Variants in ZBTB16 observed in about 807,000 individuals in gnomAD.
ZBTB16 encodes zinc finger and BTB domain containing 16, also known as zinc finger and BTB domain-containing protein 16.
A neutral mutation model predicts 56.8 loss-of-function variants in ZBTB16; 8 were observed. The ratio of observed to expected loss-of-function variants is 0.14; its 90% CI spans 0.08 to 0.25. The LOEUF (loss-of-function observed/expected upper bound fraction) is 0.25, where lower values mean the gene tolerates loss of function less well. ZBTB16 is among the 10% of genes least tolerant of loss of function. ZBTB16 has a pLI of 1.00. For synonymous variants in ZBTB16, 363 were observed against 368.5 expected (o/e 0.98, Z 0.17); for missense variants, 625 against 903.0 (o/e 0.69, Z 3.95).
intron 2 of ZBTB16, among the ~76,000 whole-genome samples, chr11:114,138,405 T>C (rs1205423813): frequency 6.6e-6 from 1 of 152,198 alleles, no homozygotes; most frequent in East Asian, 1.9e-4. Context: ...GGAGCCTACA[T>C]TCCAAACTTT....
chr11:114,210,098 G>C (rs935145456), intron 4 of ZBTB16: 4 of 299,194 alleles, frequency 1.3e-5, no homozygotes, highest in African/African-American at 9.1e-5. Flanking sequence ...GGTGTACTCT[G>C]CACTCTGTGA....
rs1165127863 is a variant in ZBTB16 at position 114,064,012 on chromosome 11, G to A, written c.712G>A (p.Val238Met). ...TLAGGGRHPG[V>M]AEVKTEMMQV... ...GGCTGGGGGTGGGCGGCACCCTGGG[G>A]TGGCTGAGGTGAAGACGGAGATGAT... The change falls in exon 2 of 7, where the codon GTG (valine) becomes ATG (methionine). Residue 238 changes from valine to methionine, a missense_variant. This residue lies in a region of ZBTB16 where 384 missense variants were observed against 393.5 expected (regional missense o/e 0.98). Transcript: ENST00000335953. The surrounding 1 kb of genome is among the most constrained non-coding windows in gnomAD (Gnocchi z 4.2). The A allele has an allele frequency of 3.7e-6, 6 of 1,613,384 alleles. No homozygotes were observed. Among genetic ancestry groups the A allele is most frequent in the Non-Finnish European group, 5.1e-6 (6 of 1,179,726 alleles).
At position 114,060,915 on chromosome 11, in the gene ZBTB16, A is replaced by G. The variant is rs1284409111; in HGVS notation, c.-91+1033A>G. Among the ~76,000 whole-genome samples the G allele has an allele frequency of 1.3e-5, 2 of 150,884 alleles. No individual in the cohort carries two copies. Among genetic ancestry groups the G allele is most frequent in the South Asian group, 2.1e-4 (1 of 4,734 alleles). On this transcript the variant is annotated intron_variant, in intron 1 of 6. Coordinates refer to ENST00000335953, the MANE Select transcript of ZBTB16 (RefSeq NM_006006.6). The surrounding 1 kb of genome is among the most constrained non-coding windows in gnomAD (Gnocchi z 6.0). ...ACCCCTTCTCGCCTTTCCTCCCACA[A>G]CTCGCTGCGGGGCTTTTGTGCTTCC...
chr11:114,171,572 G>A (rs1022613464), intron 3 of ZBTB16, among the ~76,000 whole-genome samples: 15 of 152,124 alleles, frequency 9.9e-5, no homozygotes, highest in African/African-American at 2.9e-4. Context: ...TATAGCCCCC[G>A]GCCCCCCAAG....
At chr11:114,233,895 G>C (rs1209752680) in intron 4 of ZBTB16, among the ~76,000 whole-genome samples, 3 of 152,204 alleles carry the variant, frequency 2.0e-5, no homozygotes, top group Non-Finnish European at 2.9e-5. Flanking sequence ...CCGGGAGCCA[G>C]CTCTGCTAGC....
chr11:114,161,184 G>C (rs1224041860), intron 3 of ZBTB16, among the ~76,000 whole-genome samples: 1 of 152,182 alleles, frequency 6.6e-6, no homozygotes, highest in Non-Finnish European at 1.5e-5. Flanking sequence ...GCCAGTGTAA[G>C]GTTTCCCATT....
At chr11:114,146,792 T>C (rs1942117818) in intron 2 of ZBTB16, among the ~76,000 whole-genome samples, 1 of 146,000 alleles carries the variant, frequency 6.8e-6, no homozygotes, top group Non-Finnish European at 1.5e-5. Flanking sequence ...GAGGTTGCAG[T>C]GAGTCGAGAT....
chr11:114,146,961 CT>C (rs1401177678), intron 2 of ZBTB16, among the ~76,000 whole-genome samples: 4 of 151,666 alleles, frequency 2.6e-5, no homozygotes, highest in African/African-American at 4.8e-5. Context: ...TTGGCTTTTG[CT>C]TTTTTTCTTC....
chr11:114,249,536 C>T (rs1266890847), intron 6 of ZBTB16, among the ~76,000 whole-genome samples: 11 of 138,756 alleles, frequency 7.9e-5, no homozygotes, highest in African/African-American at 3.0e-4. Context: ...GAGGCCGAGG[C>T]GGGTGGATCT....
rs1266972512 is a variant in ZBTB16, at chr11:114,124,075, G to A, written c.1269-32262G>A. Among the ~76,000 whole-genome samples, 6 of 111,000 alleles carry A rather than the reference G, an allele frequency of 5.4e-5. 1 individual carries two copies. Among genetic ancestry groups the A allele is most frequent in the South Asian group, 3.4e-4 (1 of 2,962 alleles). 72.8% of individuals were successfully genotyped at this position (111,000 alleles called of 152,430 possible). ...TGCTTTTAAGGTCACTCTGCTTTGCGGAGATGGTCGGGGGTAATGGGGAGT... is the reference window on the plus strand; with the variant it reads ...TGCTTTTAAGGTCACTCTGCTTTGCAGAGATGGTCGGGGGTAATGGGGAGT... On this transcript the variant is annotated intron_variant, in intron 2 of 6. Transcript: ENST00000335953.
chr11:114,135,912 T>G (rs1163648027), intron 2 of ZBTB16, among the ~76,000 whole-genome samples: 1 of 152,216 alleles, frequency 6.6e-6, no homozygotes, highest in Non-Finnish European at 1.5e-5. Flanking sequence ...TCAGCCTAGC[T>G]TCTATTCAGC....
At chr11:114,137,960 G>A (rs1941839934) in intron 2 of ZBTB16, among the ~76,000 whole-genome samples, 1 of 152,222 alleles carries the variant, frequency 6.6e-6, no homozygotes, top group African/African-American at 2.4e-5. Flanking sequence ...TCAGGCAGGT[G>A]TTGCTGTGCT....
chr11:114,083,425 A>T (rs1591648788), intron 2 of ZBTB16, among the ~76,000 whole-genome samples: 1 of 152,166 alleles, frequency 6.6e-6, no homozygotes. Context: ...TGGCTTGAAA[A>T]GGAGCCATGC....
At chr11:114,204,866 C>T (rs1943820233) in intron 4 of ZBTB16, among the ~76,000 whole-genome samples, 1 of 152,216 alleles carries the variant, frequency 6.6e-6, no homozygotes, top group Admixed American at 6.5e-5. Context: ...TTTCTCTAGG[C>T]TTGCAAGTGG....
intron 4 of ZBTB16, among the ~76,000 whole-genome samples, chr11:114,201,665 G>A: frequency 6.6e-6 from 1 of 152,168 alleles, no homozygotes; most frequent in East Asian, 1.9e-4. Flanking sequence ...TGTTTTGCAT[G>A]ATAAAAGCTG....
At chr11:114,078,708 G>A (rs916531168) in intron 2 of ZBTB16, among the ~76,000 whole-genome samples, 23 of 151,892 alleles carry the variant, frequency 1.5e-4, no homozygotes, top group African/African-American at 5.3e-4. Flanking sequence ...GGGGGAGGGG[G>A]TTCCTCACTC....
intron 4 of ZBTB16, among the ~76,000 whole-genome samples, chr11:114,230,633 G>GGGC (rs1263882700): frequency 7.5e-6 from 1 of 133,730 alleles, no homozygotes; most frequent in South Asian, 2.7e-4. Flanking sequence ...ATCTTCTGTG[G>GGGC]GGGGGGGGCG....
At chr11:114,219,074 A>G (rs1944170229) in intron 4 of ZBTB16, among the ~76,000 whole-genome samples, 1 of 152,160 alleles carries the variant, frequency 6.6e-6, no homozygotes, top group Non-Finnish European at 1.5e-5. Context: ...GTATGCATGT[A>G]CGTGCGTGTA....
intron 2 of ZBTB16, among the ~76,000 whole-genome samples, chr11:114,129,170 T>G (rs1941596789): frequency 6.6e-6 from 1 of 152,238 alleles, no homozygotes. Flanking sequence ...TTGAAAATAG[T>G]CAGCAAAATC....
Sources: allele counts gnomAD v4.1 joint callset (sites outside exome capture counted in the v4.1 genomes callset), GRCh38; gene constraint gnomAD v4.1.1; regional missense constraint gnomAD v4.1.1; non-coding constraint Gnocchi (gnomAD v3.1); transcripts MANE v1.5; gene names NCBI Gene and HGNC (gene_info 2026-07-23, HGNC 2026-07-21).